SEMA6D: variants seen among roughly 807,000 people sequenced by gnomAD.
SEMA6D encodes the protein semaphorin 6D.
SEMA6D carries 35 observed loss-of-function variants against 106.6 expected under a neutral mutation model. The observed-to-expected ratio is 0.33, with a 90% CI of 0.25 to 0.44. The LOEUF is 0.44. Ranked by LOEUF, SEMA6D falls within the 20% of genes least tolerant of loss-of-function variation. The probability of loss-of-function intolerance (pLI) is 1.00; values close to 1 mark genes in which losing one functional copy is unlikely to be tolerated. For synonymous variants in SEMA6D, 499 were observed against 487.7 expected (o/e 1.02, Z -0.31); for missense variants, 1,185 against 1,345.9 (o/e 0.88, Z 1.87).
intron 4 of SEMA6D, among the ~76,000 whole-genome samples, chr15:47,669,029 T>C (rs2145351995): frequency 6.6e-6 from 1 of 152,324 alleles, no homozygotes; most frequent in East Asian, 1.9e-4. Context: ...CTAATGGTTA[T>C]CTTGCTATGT....
At chr15:47,552,537 C>T (rs1159742045) in intron 3 of SEMA6D, among the ~76,000 whole-genome samples, 1 of 144,566 alleles carries the variant, frequency 6.9e-6, no homozygotes, top group Non-Finnish European at 1.5e-5. Flanking sequence ...CACACACACA[C>T]ACACACACAC....
chr15:47,705,741 A>G (rs1464599456), intron 4 of SEMA6D, among the ~76,000 whole-genome samples: 1 of 152,158 alleles, frequency 6.6e-6, no homozygotes, highest in African/African-American at 2.4e-5. Flanking sequence ...TTCTTGACGC[A>G]CATTGACTTA....
intron 2 of SEMA6D, among the ~76,000 whole-genome samples, chr15:47,452,080 A>G (rs1033023483): frequency 2.0e-5 from 3 of 151,968 alleles, no homozygotes; most frequent in African/African-American, 7.2e-5. Context: ...TTTCCTGGAT[A>G]ACTCCCCTAC....
intron 4 of SEMA6D, among the ~76,000 whole-genome samples, chr15:47,602,135 A>T (rs556777837): frequency 2.2e-4 from 33 of 152,302 alleles, no homozygotes; most frequent in Admixed American, 1.1e-3. Context: ...CCTGCTTTAG[A>T]GGAGTAATTC....
intron 3 of SEMA6D, among the ~76,000 whole-genome samples, chr15:47,500,403 A>G (rs1330269061): frequency 1.3e-5 from 2 of 152,024 alleles, no homozygotes; most frequent in African/African-American, 4.8e-5. Context: ...ATATATTTAT[A>G]TAATTTAAAA....
intron 1 of SEMA6D, among the ~76,000 whole-genome samples, chr15:47,349,805 T>C (rs2038241803): frequency 6.6e-6 from 1 of 152,150 alleles, no homozygotes; most frequent in Admixed American, 6.6e-5. Context: ...TATTCAAGAA[T>C]AAAATACTGA....
intron 1 of SEMA6D, among the ~76,000 whole-genome samples, chr15:47,375,597 T>G (rs2039421968): frequency 6.6e-6 from 1 of 152,200 alleles, no homozygotes; most frequent in South Asian, 2.1e-4. Context: ...TGGAGGAGAT[T>G]TTTTAAAAAG....
chr15:47,403,584 C>T (rs1444166607), intron 1 of SEMA6D, among the ~76,000 whole-genome samples: 1 of 152,118 alleles, frequency 6.6e-6, no homozygotes, highest in African/African-American at 2.4e-5. Flanking sequence ...GATGAATGCG[C>T]AAACAAAGGT....
chr15:47,717,831 G>GCT (rs1215124622), intron 1 of SEMA6D, 139 bp downstream of exon 1: 2 of 96,692 alleles, frequency 2.1e-5, no homozygotes, highest in African/African-American at 9.7e-5. Flanking sequence ...ATCCCGAATC[G>GCT]CTGTGTGTGT....
intron 1 of SEMA6D, among the ~76,000 whole-genome samples, chr15:47,227,569 T>TCTCACA (rs142672147): frequency 0.34 from 43,241 of 127,756 alleles, 8,534 homozygotes; most frequent in Non-Finnish European, 0.45. Flanking sequence ...TCTCTCTCTC[T>TCTCACA]CACACACACA....
intron 1 of SEMA6D, among the ~76,000 whole-genome samples, chr15:47,363,871 G>A (rs1374482418): frequency 6.6e-6 from 1 of 152,186 alleles, no homozygotes; most frequent in Non-Finnish European, 1.5e-5. Context: ...GGAAGGCGAA[G>A]GGGAAGCAGG....
chr15:47,665,888 T>A (rs1447100234), intron 4 of SEMA6D, among the ~76,000 whole-genome samples: 1 of 152,138 alleles, frequency 6.6e-6, no homozygotes, highest in African/African-American at 2.4e-5. Flanking sequence ...CCAATAACAC[T>A]CCCATTTTTG....
At chr15:47,565,384 T>C (rs1596327807) in intron 3 of SEMA6D, among the ~76,000 whole-genome samples, 1 of 152,248 alleles carries the variant, frequency 6.6e-6, no homozygotes, top group South Asian at 2.1e-4. Flanking sequence ...AGGGGCCAGC[T>C]GGTTCCAGCA....
At chr15:47,309,687 C>G (rs926282044) in intron 1 of SEMA6D, among the ~76,000 whole-genome samples, 1 of 152,194 alleles carries the variant, frequency 6.6e-6, no homozygotes, top group Admixed American at 6.5e-5. Context: ...ACCTGACATA[C>G]TGTACATCTT....
At chr15:47,592,610 A>G (rs1039912812) in intron 3 of SEMA6D, among the ~76,000 whole-genome samples, 1 of 152,206 alleles carries the variant, frequency 6.6e-6, no homozygotes, top group African/African-American at 2.4e-5. Context: ...GAGTGTTTAC[A>G]ACAAACCCCT....
chr15:47,509,825 C>T (rs1020494847), intron 3 of SEMA6D, among the ~76,000 whole-genome samples: 4 of 152,164 alleles, frequency 2.6e-5, no homozygotes, highest in Admixed American at 2.0e-4. Flanking sequence ...AATGTTCAGG[C>T]CATATCCAAA....
intron 3 of SEMA6D, among the ~76,000 whole-genome samples, chr15:47,518,397 A>G (rs1161216150): frequency 1.3e-5 from 2 of 152,160 alleles, no homozygotes; most frequent in Admixed American, 1.3e-4. Context: ...AAAAAATTGA[A>G]CAGTGATGCA....
At chr15:47,639,389 C>G (rs968903094) in intron 4 of SEMA6D, among the ~76,000 whole-genome samples, 1 of 152,148 alleles carries the variant, frequency 6.6e-6, no homozygotes, top group African/African-American at 2.4e-5. Context: ...TGAATCCATG[C>G]ACTTATACAT....
intron 2 of SEMA6D, among the ~76,000 whole-genome samples, chr15:47,421,780 T>C (rs533094764): frequency 6.7e-4 from 102 of 152,076 alleles, no homozygotes; most frequent in African/African-American, 2.4e-3. Context: ...AAAGATGAGA[T>C]GATGGGAACC....
Sources: allele counts gnomAD v4.1 joint callset (sites outside exome capture counted in the v4.1 genomes callset), GRCh38; gene constraint gnomAD v4.1.1; transcripts MANE v1.5; gene names NCBI Gene and HGNC (gene_info 2026-07-23, HGNC 2026-07-21).